The following SDC4 variants were observed in gnomAD, a reference collection of about 807,000 sequenced individuals.
The protein encoded by SDC4 is syndecan 4.
In SDC4, 17 loss-of-function variants were observed where a neutral mutation model predicts 20.5. The observed-to-expected ratio is 0.83, with a 90% CI of 0.57 to 1.25. SDC4 has a LOEUF of 1.25. SDC4 is among the 50% of genes most tolerant of loss of function. The pLI, the probability that SDC4 is intolerant of heterozygous loss-of-function variation, is 0.00. For missense variants in SDC4, 241 were observed against 252.3 expected, an observed-to-expected ratio of 0.96 and a Z score of 0.30; for synonymous variants, 107 against 105.3, an observed-to-expected ratio of 1.02 and a Z score of -0.10.
intron 4 of SDC4, among the ~76,000 whole-genome samples, chr20:45,328,996 G>GA: frequency 6.6e-6 from 1 of 152,196 alleles, no homozygotes; most frequent in African/African-American, 2.4e-5. Flanking sequence ...GAAGCTGACT[G>GA]TGGTCCTCAG....
rs1239872896 is a variant in SDC4 at position 45,333,058 on chromosome 20, C to CT, written c.210dup (p.Asp71ArgfsTer7). On this transcript the variant is annotated frameshift_variant, in exon 3 of 5. Coordinates refer to ENST00000372733, the MANE Select transcript of SDC4 (RefSeq NM_002999.4). LOFTEE classifies it high-confidence loss of function. ...ACAACTTCAGGGCCGATCATGGAGT[C>CT]TTCCAAGTCATCTGTAAGGTCAGAA... The CT allele has an allele frequency of 6.2e-7, 1 of 1,614,176 alleles. No individual in the cohort carries two copies. The highest frequency in any genetic ancestry group is 1.1e-5 in the South Asian group (1 of 91,078).
intron 1 of SDC4, among the ~76,000 whole-genome samples, chr20:45,347,603 C>T (rs1988051369): frequency 6.6e-6 from 1 of 152,204 alleles, no homozygotes; most frequent in Admixed American, 6.5e-5. Context: ...GAACACACTT[C>T]TTGCAGAAAG....
intron 3 of SDC4, among the ~76,000 whole-genome samples, chr20:45,331,928 T>C (rs1334057105): frequency 6.6e-6 from 1 of 152,230 alleles, no homozygotes; most frequent in Admixed American, 6.5e-5. Flanking sequence ...CATTCTTTTA[T>C]TCCTTTACTT....
chr20:45,328,076 A>G (rs903965946), intron 4 of SDC4, among the ~76,000 whole-genome samples: 1 of 152,210 alleles, frequency 6.6e-6, no homozygotes, highest in African/African-American at 2.4e-5. Context: ...CCCTGTAGAC[A>G]TATTTATCCT....
At chr20:45,327,714 G>A (rs1372288131) in intron 4 of SDC4, among the ~76,000 whole-genome samples, 1 of 152,238 alleles carries the variant, frequency 6.6e-6, no homozygotes, top group African/African-American at 2.4e-5. Flanking sequence ...CGTGATCTCG[G>A]CTTACTGCAA....
In SDC4 at chr20:45,327,625, C is replaced by G. The variant is rs529502084; in HGVS notation, c.446-210G>C. Among the ~76,000 whole-genome samples, 7 of 152,364 alleles carry G rather than the reference C, an allele frequency of 4.6e-5. No homozygotes were observed. The South Asian group carries it at 1.4e-3, about 32-fold the overall frequency. ...CGTTGGCATTTTAAGTCACTGAAGA[C>G]CACAGGGCTAGTGGTAAGGCCACTC... On this transcript the variant is annotated intron_variant, in intron 4 of 4. Transcript: ENST00000372733.
At chr20:45,338,951 T>G (rs557655645) in intron 1 of SDC4, among the ~76,000 whole-genome samples, 2 of 152,248 alleles carry the variant, frequency 1.3e-5, no homozygotes, top group South Asian at 4.2e-4. Flanking sequence ...GGGAAGAAAC[T>G]TCTTCCAGCT....
intron 2 of SDC4, among the ~76,000 whole-genome samples, chr20:45,333,955 AG>A (rs960717193): frequency 4.9e-4 from 20 of 40,894 alleles, no homozygotes; most frequent in Admixed American, 1.3e-3. Flanking sequence ...TAAAAAAAAA[AG>A]AAGAAGAAAT....
At chr20:45,347,936 C>G (rs2853904) in intron 1 of SDC4, among the ~76,000 whole-genome samples, 1 of 152,106 alleles carries the variant, frequency 6.6e-6, no homozygotes, top group African/African-American at 2.4e-5. Context: ...ATCTCGGATC[C>G]TAAAGCTGTC....
intron 4 of SDC4, 29 bp downstream of exon 4, chr20:45,330,337 G>T (rs1351077614): frequency 1.2e-6 from 2 of 1,605,566 alleles, no homozygotes; most frequent in African/African-American, 1.3e-5. Flanking sequence ...CCACCTTCAA[G>T]GCATCTTATA....
At chr20:45,338,061 G>A (rs1026559249) in intron 1 of SDC4, among the ~76,000 whole-genome samples, 1 of 152,194 alleles carries the variant, frequency 6.6e-6, no homozygotes, top group African/African-American at 2.4e-5. Flanking sequence ...CTAAGGGCAG[G>A]GTCCCTGTGC....
intron 4 of SDC4, among the ~76,000 whole-genome samples, chr20:45,327,864 G>C (rs1486930090): frequency 2.0e-5 from 3 of 152,206 alleles, no homozygotes; most frequent in South Asian, 4.1e-4. Flanking sequence ...GGCTGGTCTT[G>C]AACTCCTGAC....
intron 1 of SDC4, among the ~76,000 whole-genome samples, chr20:45,348,070 G>A (rs1318703853): frequency 6.6e-6 from 1 of 152,246 alleles, no homozygotes; most frequent in East Asian, 1.9e-4. Context: ...TAACGAGCCC[G>A]TAGCCCGCGG....
intron 1 of SDC4, among the ~76,000 whole-genome samples, chr20:45,337,638 G>C (rs79405834): frequency 6.6e-6 from 1 of 152,188 alleles, no homozygotes; most frequent in African/African-American, 2.4e-5. Flanking sequence ...CCTAAGATAA[G>C]GTTATTATCA....
chr20:45,338,409 G>C (rs1987905512), intron 1 of SDC4, among the ~76,000 whole-genome samples: 1 of 152,194 alleles, frequency 6.6e-6, no homozygotes, highest in Non-Finnish European at 1.5e-5. Flanking sequence ...GGTACACTTT[G>C]GCCAGCTGTT....
At position 45,325,859 on chromosome 20, in the gene SDC4, A is replaced by G. The variant is rs562489257; in HGVS notation, c.*1405T>C. On this transcript the variant is annotated 3_prime_UTR_variant, in exon 5 of 5. Transcript: ENST00000372733. Reference sequence around the variant, plus strand: ...AATTGGCTTAACTTTAAACAGCCGCATGTGGTTACTGTATTGGATAGCACA... The same window carrying G: ...AATTGGCTTAACTTTAAACAGCCGCGTGTGGTTACTGTATTGGATAGCACA... The G allele has an allele frequency of 6.5e-6, 1 of 152,712 alleles. No homozygotes were observed. The highest frequency in any genetic ancestry group is 6.5e-5 in the Admixed American group (1 of 15,294). The allele number at this position is 152,712 out of a possible 1,614,324, so 9.5% of individuals were successfully genotyped here. A position where few individuals can be genotyped will look rare whatever the true frequency, so the allele number is the denominator to read the frequency against.
chr20:45,344,739 C>A (rs959855231), intron 1 of SDC4, among the ~76,000 whole-genome samples: 5 of 152,152 alleles, frequency 3.3e-5, no homozygotes, highest in African/African-American at 1.2e-4. Flanking sequence ...ACCAAGGAGG[C>A]CAGCAAAGGG....
At chr20:45,344,094 A>G (rs963704237) in intron 1 of SDC4, among the ~76,000 whole-genome samples, 2 of 152,218 alleles carry the variant, frequency 1.3e-5, no homozygotes, top group Admixed American at 1.3e-4. Context: ...CCTGAACAGT[A>G]CCAGCTTTTG....
At chr20:45,334,409 T>C (rs904930259) in intron 2 of SDC4, among the ~76,000 whole-genome samples, 7 of 152,194 alleles carry the variant, frequency 4.6e-5, no homozygotes, top group African/African-American at 1.7e-4. Flanking sequence ...ATATATTACT[T>C]AACTCCACTG....
Sources: gnomAD v4.1 joint callset for allele counts (sites outside exome capture counted in the v4.1 genomes callset) on GRCh38, gnomAD v4.1.1 for gene constraint, MANE v1.5 for transcripts, NCBI Gene and HGNC (gene_info 2026-07-23, HGNC 2026-07-21) for gene names.